CLRN1: variants seen among roughly 807,000 people sequenced by gnomAD.
CLRN1 encodes clarin 1.
A neutral mutation model predicts 18.7 loss-of-function variants in CLRN1; 15 were observed. The ratio of observed to expected loss-of-function variants is 0.80; its 90% CI spans 0.54 to 1.23. The LOEUF is 1.23. CLRN1 is among the 50% of genes most tolerant of loss of function. CLRN1 has a pLI of 0.00. For missense variants in CLRN1, 311 were observed against 277.5 expected, an observed-to-expected ratio of 1.12 and a Z score of -0.86; for synonymous variants, 104 against 102.9, an observed-to-expected ratio of 1.01 and a Z score of -0.07.
chr3:150,945,560 G>A, intron 1 of CLRN1: 15 of 1,286,814 alleles, frequency 1.2e-5, no homozygotes, highest in Non-Finnish European at 1.5e-5. Flanking sequence ...CCAATAGGGA[G>A]CATCCTCTTC....
intron 1 of CLRN1, among the ~76,000 whole-genome samples, chr3:150,970,033 G>T (rs1006650684): frequency 6.6e-6 from 1 of 152,084 alleles, no homozygotes; most frequent in Non-Finnish European, 1.5e-5. Context: ...CTTTCTAAAG[G>T]CACAATAAGA....
intron 1 of CLRN1, among the ~76,000 whole-genome samples, chr3:150,946,502 AT>A (rs879260829): frequency 1.0e-3 from 151 of 146,316 alleles, no homozygotes; most frequent in Admixed American, 1.3e-3. Flanking sequence ...TTTGTACTAA[AT>A]TTTTTTTTTT....
At position 150,927,657 on chromosome 3, in the gene CLRN1, CACAT is replaced by C. The variant is rs754358199; in HGVS notation, c.*275_*278del. On this transcript the variant is annotated 3_prime_UTR_variant, in exon 3 of 3. Transcript: ENST00000327047. Reference sequence around the variant, plus strand: ...ACACACACACACACACACACACACACACATATATATATATGGAGTAACAATTTGT... The same window carrying C: ...ACACACACACACACACACACACACACATATATATATGGAGTAACAATTTGT... 129 of 561,102 alleles carry C rather than the reference CACAT, an allele frequency of 2.3e-4. No homozygotes were observed. Among genetic ancestry groups the C allele is most frequent in the African/African-American group, 7.4e-4 (39 of 52,716 alleles). The allele number at this position is 561,102 out of a possible 1,614,324, so 34.8% of individuals were successfully genotyped here.
chr3:150,944,071 C>T lies in CLRN1; in HGVS notation c.254-2310G>A, dbSNP rs1409496225. 5.8e-6 allele frequency: 4 copies of T among 689,412 alleles called. No individual in the cohort carries two copies. In the African/African-American group the frequency reaches 7.1e-5, roughly 12 times the overall value. 42.7% of individuals were successfully genotyped at this position (689,412 alleles called of 1,614,324 possible). A position where few individuals can be genotyped will look rare whatever the true frequency, so the allele number is the denominator to read the frequency against. On this transcript the variant is annotated intron_variant, in intron 1 of 2. Transcript: ENST00000327047. The stretch of plus-strand genomic sequence containing the variant: ...ATAGGGTAATGGGATTTTGAGTGAT[C>T]TCTGAGTGGATGGGCATGGTCAGGA...
At chr3:150,948,311 C>A (rs985604916) in intron 1 of CLRN1, among the ~76,000 whole-genome samples, 1 of 151,626 alleles carries the variant, frequency 6.6e-6, no homozygotes, top group Non-Finnish European at 1.5e-5. Flanking sequence ...GGTGAAACCC[C>A]GTCTCTACTA....
In CLRN1 at chr3:150,972,661, G is replaced by A. The variant is rs1715605993; in HGVS notation, c.48C>T (p.Phe16=). The change falls in exon 1 of 3, where the codon TTC becomes TTT. Residue 16 remains phenylalanine, a synonymous_variant. Coordinates refer to ENST00000327047, the MANE Select transcript of CLRN1 (RefSeq NM_174878.3). ...CAACTCCGAGGGCACATGCAAAACTGAACACTCCGGCCATGCAAAAAATGA... is the reference window on the plus strand; with the variant it reads ...CAACTCCGAGGGCACATGCAAAACTAAACACTCCGGCCATGCAAAAAATGA... ...KKIIFCMAGV[F]SFACALGVVT... The A allele has an allele frequency of 6.2e-7, 1 of 1,614,196 alleles. No individual in the cohort carries two copies. Among genetic ancestry groups the A allele is most frequent in the South Asian group, 1.1e-5 (1 of 91,080 alleles).
At chr3:150,943,274 C>T (rs562530413) in intron 1 of CLRN1, among the ~76,000 whole-genome samples, 21 of 152,284 alleles carry the variant, frequency 1.4e-4, no homozygotes, top group African/African-American at 3.8e-4. Flanking sequence ...CCTGTGTGCC[C>T]GCTCTTTCCC....
In CLRN1 at chr3:150,927,631, T is replaced by TACACACACACAC. The variant is rs34027634; in HGVS notation, c.*293_*304dup. On this transcript the variant is annotated 3_prime_UTR_variant, in exon 3 of 3. Coordinates refer to ENST00000327047, the MANE Select transcript of CLRN1 (RefSeq NM_174878.3). The stretch of plus-strand genomic sequence containing the variant: ...ATATCTTTTTGATAGGAAGACATCT[T>TACACACACACAC]ACACACACACACACACACACACACA... 1.1e-4 allele frequency: 54 copies of TACACACACACAC among 473,428 alleles called. No individual in the cohort carries two copies. Among genetic ancestry groups the TACACACACACAC allele is most frequent in the African/African-American group, 7.0e-4 (35 of 50,148 alleles). The allele number at this position is 473,428 out of a possible 1,614,324, so 29.3% of individuals were successfully genotyped here.
In CLRN1 at chr3:150,928,047, A is replaced by G; in HGVS notation, c.588T>C (p.Phe196=). Residue 196 remains phenylalanine, a synonymous_variant, in exon 3 of 3, where the codon TTT becomes TTC. Transcript: ENST00000327047. ...TTSFWVIFFC[F]FVHFLNGLLI... ...GGAGCCCATTCAGAAAATGAACAAAAAAGCAAAAGAAAATGACCCAGAATG... is the reference window on the plus strand; with the variant it reads ...GGAGCCCATTCAGAAAATGAACAAAGAAGCAAAAGAAAATGACCCAGAATG... 6.2e-7 allele frequency: 1 copy of G among 1,614,194 alleles called. No homozygotes were observed. Among genetic ancestry groups the G allele is most frequent in the Non-Finnish European group, 8.5e-7 (1 of 1,180,030 alleles).
chr3:150,959,607 C>A (rs532727831), intron 1 of CLRN1, among the ~76,000 whole-genome samples: 1 of 139,328 alleles, frequency 7.2e-6, no homozygotes, highest in Non-Finnish European at 1.5e-5. Flanking sequence ...CCAGCCTGGA[C>A]GACACAGCGA....
At chr3:150,955,591 A>G (rs1714698755) in intron 1 of CLRN1, among the ~76,000 whole-genome samples, 1 of 152,218 alleles carries the variant, frequency 6.6e-6, no homozygotes, top group Admixed American at 6.5e-5. Flanking sequence ...AAATCTCCTC[A>G]TTAAAAAAAA....
At chr3:150,929,152 T>C (rs1436407558) in intron 2 of CLRN1, among the ~76,000 whole-genome samples, 1 of 152,232 alleles carries the variant, frequency 6.6e-6, no homozygotes, top group African/African-American at 2.4e-5. Context: ...ACTATTATTA[T>C]TTTTCCCCCT....
chr3:150,943,524 C>A (rs1391573058), intron 1 of CLRN1, among the ~76,000 whole-genome samples: 1 of 152,190 alleles, frequency 6.6e-6, no homozygotes, highest in African/African-American at 2.4e-5. Context: ...CCCTTTTCAG[C>A]TTCTCTCTCT....
chr3:150,967,806 C>T (rs545509710), intron 1 of CLRN1, among the ~76,000 whole-genome samples: 1 of 152,298 alleles, frequency 6.6e-6, no homozygotes, highest in East Asian at 1.9e-4. Flanking sequence ...TGCCAACTCT[C>T]AGTGACAGGC....
intron 1 of CLRN1, chr3:150,943,892 C>A (rs547057318): frequency 1.9e-6 from 3 of 1,613,776 alleles, no homozygotes; most frequent in South Asian, 1.1e-5. Context: ...TTCCTGCACT[C>A]GTTCACTCGT....
chr3:150,932,262 C>T (rs1713196178), intron 2 of CLRN1, among the ~76,000 whole-genome samples: 2 of 152,124 alleles, frequency 1.3e-5, no homozygotes, highest in African/African-American at 2.4e-5. Flanking sequence ...ATATGGGGAA[C>T]GTAGGACATG....
chr3:150,963,265 C>A (rs1339643547), intron 1 of CLRN1, among the ~76,000 whole-genome samples: 1 of 152,074 alleles, frequency 6.6e-6, no homozygotes, highest in East Asian at 1.9e-4. Context: ...TCCTATACAC[C>A]AATAACAGAC....
At chr3:150,939,999 A>G (rs1713719053) in intron 2 of CLRN1, among the ~76,000 whole-genome samples, 1 of 152,092 alleles carries the variant, frequency 6.6e-6, no homozygotes, top group African/African-American at 2.4e-5. Context: ...TACCAGTTCC[A>G]TGTCATCTGA....
chr3:150,955,096 G>T (rs532296427), intron 1 of CLRN1, among the ~76,000 whole-genome samples: 1 of 152,270 alleles, frequency 6.6e-6, no homozygotes, highest in South Asian at 2.1e-4. Context: ...ACAATAACTC[G>T]GATAGATCTT....
Sources: allele counts gnomAD v4.1 joint callset (sites outside exome capture counted in the v4.1 genomes callset), GRCh38; gene constraint gnomAD v4.1.1; transcripts MANE v1.5; gene names NCBI Gene and HGNC (gene_info 2026-07-23, HGNC 2026-07-21).